MSRA: variants seen among roughly 807,000 people sequenced by gnomAD.
The protein encoded by MSRA is mitochondrial peptide methionine sulfoxide reductase.
Under a neutral mutation model 31.3 loss-of-function variants are expected in MSRA, and 54 were observed. That is an observed-to-expected ratio of 1.73 (90% confidence interval 1.39 to 2.17). The LOEUF is 2.17. Ranked by LOEUF, MSRA falls within the 30% of genes most tolerant of loss-of-function variation. The pLI, the probability that MSRA is intolerant of heterozygous loss-of-function variation, is 0.00. For missense variants in MSRA, 507 were observed against 300.9 expected (o/e 1.69, Z -5.07); for synonymous variants, 169 against 116.5 (o/e 1.45, Z -2.90).
intron 1 of MSRA, among the ~76,000 whole-genome samples, chr8:10,122,143 G>C (rs924783295): frequency 6.6e-6 from 1 of 152,116 alleles, no homozygotes; most frequent in Non-Finnish European, 1.5e-5. Flanking sequence ...CCAGCATGCT[G>C]CTGGTGTTGT....
chr8:10,260,386 A>G (rs1032066126), intron 3 of MSRA, among the ~76,000 whole-genome samples: 1 of 152,138 alleles, frequency 6.6e-6, no homozygotes, highest in African/African-American at 2.4e-5. Flanking sequence ...TGGAACAGGG[A>G]AGGAGCAAAG....
chr8:10,103,713 A>ATG (rs1799684703), intron 1 of MSRA, among the ~76,000 whole-genome samples: 1 of 152,060 alleles, frequency 6.6e-6, no homozygotes, highest in Non-Finnish European at 1.5e-5. Context: ...ATATATATAT[A>ATG]TTTAAAATGC....
intron 5 of MSRA, among the ~76,000 whole-genome samples, chr8:10,359,814 G>T (rs552286932): frequency 1.1e-4 from 16 of 152,166 alleles, no homozygotes; most frequent in African/African-American, 3.9e-4. Context: ...GCCTTTTCTC[G>T]TGAACAGTGG....
intron 1 of MSRA, among the ~76,000 whole-genome samples, chr8:10,164,108 G>A (rs915979094): frequency 1.3e-5 from 2 of 152,040 alleles, no homozygotes; most frequent in African/African-American, 2.4e-5. Context: ...TTTTAAAACC[G>A]CATACTTACA....
At chr8:10,401,540 C>G (rs1807463542) in intron 5 of MSRA, among the ~76,000 whole-genome samples, 1 of 152,146 alleles carries the variant, frequency 6.6e-6, no homozygotes, top group Non-Finnish European at 1.5e-5. Flanking sequence ...ATTGCTGTAT[C>G]CTGCAGCAAT....
At chr8:10,148,957 AT>A (rs34442171) in intron 1 of MSRA, among the ~76,000 whole-genome samples, 81,777 of 136,160 alleles carry the variant, frequency 0.6, 24,382 homozygotes, top group Middle Eastern at 0.7. Flanking sequence ...TCGCTGGTAA[AT>A]TTTTTTTTTT....
chr8:10,229,243 A>G (rs1034636878), intron 2 of MSRA, among the ~76,000 whole-genome samples: 20 of 151,930 alleles, frequency 1.3e-4, no homozygotes, highest in Admixed American at 1.0e-3. Flanking sequence ...ACTGAGCAGG[A>G]GATGGTGAGA....
At chr8:10,210,988 A>G (rs1020320556) in intron 2 of MSRA, among the ~76,000 whole-genome samples, 1 of 151,454 alleles carries the variant, frequency 6.6e-6, no homozygotes, top group Non-Finnish European at 1.5e-5. Flanking sequence ...CGCCCACTTT[A>G]GCCTCCCCAA....
intron 1 of MSRA, among the ~76,000 whole-genome samples, chr8:10,090,237 C>G (rs1798788098): frequency 6.6e-6 from 1 of 152,066 alleles, no homozygotes; most frequent in Non-Finnish European, 1.5e-5. Context: ...TCTGGGAGGG[C>G]CTAGCAGTCC....
At chr8:10,283,830 T>TACACACACACACACACAC (rs1170038638) in intron 3 of MSRA, among the ~76,000 whole-genome samples, 4 of 65,324 alleles carry the variant, frequency 6.1e-5, no homozygotes, top group Non-Finnish European at 9.1e-5. Flanking sequence ...TATATATATA[T>TACACACACACACACACAC]ATATATACAC....
intron 4 of MSRA, among the ~76,000 whole-genome samples, chr8:10,314,410 T>A (rs567382789): frequency 1.3e-5 from 2 of 152,162 alleles, no homozygotes; most frequent in East Asian, 3.9e-4. Context: ...ATAATTAACG[T>A]TATTAATCAG....
At chr8:10,402,195 C>G (rs980970409) in intron 5 of MSRA, among the ~76,000 whole-genome samples, 1 of 152,182 alleles carries the variant, frequency 6.6e-6, no homozygotes, top group African/African-American at 2.4e-5. Flanking sequence ...ATGCCTGTCA[C>G]CCAGGGATTC....
chr8:10,283,507 T>A (rs1342371827), intron 3 of MSRA, among the ~76,000 whole-genome samples: 1 of 151,930 alleles, frequency 6.6e-6, no homozygotes, highest in Non-Finnish European at 1.5e-5. Flanking sequence ...CATTCTTTAG[T>A]GGTGATTTGT....
intron 3 of MSRA, among the ~76,000 whole-genome samples, chr8:10,250,244 T>A (rs1294114936): frequency 6.6e-6 from 1 of 152,194 alleles, no homozygotes; most frequent in Non-Finnish European, 1.5e-5. Context: ...TGATAGAGAA[T>A]TATTCTTACA....
intron 5 of MSRA, among the ~76,000 whole-genome samples, chr8:10,347,707 G>T (rs1008287800): frequency 6.6e-6 from 1 of 152,136 alleles, no homozygotes; most frequent in Non-Finnish European, 1.5e-5. Context: ...TCTCAGCCTA[G>T]CCTTCAGAGC....
At chr8:10,275,275 G>C (rs1193426087) in intron 3 of MSRA, among the ~76,000 whole-genome samples, 1 of 152,206 alleles carries the variant, frequency 6.6e-6, no homozygotes, top group Non-Finnish European at 1.5e-5. Context: ...ATACGATCAA[G>C]TTTGAAGTTT....
At chr8:10,244,556 T>G (rs7819518) in intron 2 of MSRA, among the ~76,000 whole-genome samples, 7,426 of 152,264 alleles carry the variant, frequency 0.049, 217 homozygotes, top group East Asian at 0.1. Flanking sequence ...TACTTTTGGG[T>G]AAGCAGTGAT....
chr8:10,161,035 C>T (rs566635001), intron 1 of MSRA, among the ~76,000 whole-genome samples: 1 of 152,088 alleles, frequency 6.6e-6, no homozygotes, highest in Non-Finnish European at 1.5e-5. Flanking sequence ...GAGAGCCTCC[C>T]CTCCTCTTTT....
chr8:10,128,328 G>A (rs1353838356), intron 1 of MSRA, among the ~76,000 whole-genome samples: 4 of 151,790 alleles, frequency 2.6e-5, no homozygotes, highest in Non-Finnish European at 5.9e-5. Context: ...GCCCTGAGCC[G>A]AGATTGCACC....
Sources: gnomAD v4.1 joint callset for allele counts (sites outside exome capture counted in the v4.1 genomes callset) on GRCh38, gnomAD v4.1.1 for gene constraint, MANE v1.5 for transcripts, NCBI Gene and HGNC (gene_info 2026-07-23, HGNC 2026-07-21) for gene names.